PRRT1: variants seen among roughly 807,000 people sequenced by gnomAD.
PRRT1 encodes the protein proline-rich transmembrane protein 1.
A neutral mutation model predicts 22.6 loss-of-function variants in PRRT1; 8 were observed. The observed-to-expected ratio is 0.35, with a 90% confidence interval of 0.21 to 0.64. PRRT1 has a LOEUF of 0.64. Among genes scored for constraint, PRRT1 ranks in the 30% least tolerant of loss-of-function variants. PRRT1 has a pLI of 0.69. For synonymous variants in PRRT1, 176 were observed against 203.6 expected (o/e 0.86, Z 1.15); for missense variants, 315 against 444.5 (o/e 0.71, Z 2.62).
rs1376766305 is a variant in PRRT1 at position 32,150,529 on chromosome 6, G to A, written c.397C>T (p.Pro133Ser). The change falls in exon 2 of 4, where the codon CCC (proline) becomes TCC (serine). Residue 133 changes from proline to serine, a missense_variant. Physicochemically the swap from Pro to Ser is moderately conservative, Grantham distance 74. This residue lies in a region of PRRT1 where 263 missense variants were observed against 328.5 expected (regional missense o/e 0.80). Coordinates refer to ENST00000211413, the MANE Select transcript of PRRT1 (RefSeq NM_030651.4). The surrounding 1 kb of genome is among the most constrained non-coding windows in gnomAD (Gnocchi z 7.2). Reference protein sequence around the residue: ...PPPPPAAAAPPPPAPAQTAQA... With the variant: ...PPPPPAAAAPSPPAPAQTAQA... Reference sequence around the variant, plus strand: ...GCAGTCTGGGCTGGCGCCGGCGGGGGCGGGGCGGCGGCAGCGGGCGGCGGC... The same window carrying A: ...GCAGTCTGGGCTGGCGCCGGCGGGGACGGGGCGGCGGCAGCGGGCGGCGGC... 1.5e-6 allele frequency: 2 copies of A among 1,371,966 alleles called. No homozygotes were observed. Among genetic ancestry groups the A allele is most frequent in the East Asian group, 3.0e-5 (1 of 33,132 alleles). 85.0% of individuals were successfully genotyped at this position (1,371,966 alleles called of 1,614,324 possible).
Position 32,150,706 on chromosome 6 carries a change from C to G in PRRT1, c.220G>C (p.Gly74Arg), listed in dbSNP as rs1213656437. 7.5e-6 allele frequency: 11 copies of G among 1,457,444 alleles called. No homozygotes were observed. In the South Asian group the frequency reaches 1.3e-4, roughly 17 times the overall value. 90.3% of individuals were successfully genotyped at this position (1,457,444 alleles called of 1,614,324 possible). A position where few individuals can be genotyped will look rare whatever the true frequency, so the allele number is the denominator to read the frequency against. The change falls in exon 2 of 4, where the codon GGT (glycine) becomes CGT (arginine). Residue 74 changes from glycine (G) to arginine (R), a missense_variant. Gly to Arg is a moderately radical substitution (Grantham distance 125). Transcript: ENST00000211413. The surrounding 1 kb of genome is among the most constrained non-coding windows in gnomAD (Gnocchi z 7.2). ...GGCAGCGTGGCAGAGGAGGAGGGAC[C>G]GCGCTGAGCGGTGGCCGCGGAAGAG... ...LASSAATAQR[G>R]PSSSATLPRP...
intron 1 of PRRT1, chr6:32,151,343 C>CT (rs977364295): frequency 2.4e-6 from 1 of 418,738 alleles, no homozygotes; most frequent in African/African-American, 2.0e-5. Flanking sequence ...GTGTTCCACT[C>CT]TGCTGTTCCT....
rs772081305 is a variant in PRRT1, at chr6:32,150,947, A to T, written c.20-41T>A. The T allele has an allele frequency of 1.3e-6, 2 of 1,499,538 alleles. No homozygotes were observed. Among genetic ancestry groups the T allele is most frequent in the South Asian group, 2.4e-5 (2 of 84,076 alleles). The allele number at this position is 1,499,538 out of a possible 1,614,324, so 92.9% of individuals were successfully genotyped here. A position where few individuals can be genotyped will look rare whatever the true frequency, so the allele number is the denominator to read the frequency against. ...GGAGGAGAGTATAAGAGGAAAGATG[A>T]CACAGTGATGAGTTGAGGAGGGGGT... On this transcript the variant is annotated intron_variant, in intron 1 of 3. Coordinates refer to ENST00000211413, the MANE Select transcript of PRRT1 (RefSeq NM_030651.4). This position sits in a 1 kb window ranked among gnomAD's most constrained non-coding sequence, Gnocchi z 7.2.
intron 1 of PRRT1, chr6:32,151,309 G>T: frequency 2.2e-6 from 1 of 455,070 alleles, no homozygotes; most frequent in Non-Finnish European, 4.0e-6. Flanking sequence ...TTCAACAGTT[G>T]TATAAACACA....
upstream of PRRT1, chr6:32,151,986 A>AGGGGGGGGGGGGGGGGGGGG: frequency 5.3e-5 from 4 of 75,954 alleles, no homozygotes; most frequent in Non-Finnish European, 7.6e-5. Flanking sequence ...GCGGAGGGAG[A>AGGGGGGGGGGGGGGGGGGGG]GCGGGGAGGG....
chr6:32,150,117 C>G lies in PRRT1; in HGVS notation c.558+251G>C, dbSNP rs188380258. Reference sequence around the variant, plus strand: ...CCCCCGCCAGGCGGTTTCCTACTTTCAGACCTCCTCTGAACCTCTAGGCTC... The same window carrying G: ...CCCCCGCCAGGCGGTTTCCTACTTTGAGACCTCCTCTGAACCTCTAGGCTC... On this transcript the variant is annotated intron_variant, in intron 2 of 3. Coordinates refer to ENST00000211413, the MANE Select transcript of PRRT1 (RefSeq NM_030651.4). This position sits in a 1 kb window ranked among gnomAD's most constrained non-coding sequence, Gnocchi z 7.2. Among the ~76,000 whole-genome samples, 1 of 152,106 alleles carries G rather than the reference C, an allele frequency of 6.6e-6. No individual in the cohort carries two copies. Among genetic ancestry groups the G allele is most frequent in the East Asian group, 1.9e-4 (1 of 5,136 alleles).
At chr6:32,152,087 C>T (rs1783352702), upstream of PRRT1, 1 of 704,646 alleles carries the variant, frequency 1.4e-6, no homozygotes, top group Non-Finnish European at 2.6e-6. Context: ...CCTCTCTCCT[C>T]CTCTTACCCC....
intron 1 of PRRT1, chr6:32,151,262 T>A (rs1483740451): frequency 9.3e-6 from 5 of 539,376 alleles, no homozygotes; most frequent in Non-Finnish European, 1.7e-5. Context: ...TGTGTGCGTA[T>A]GCGTAGACAT....
chr6:32,149,241 T>C lies in PRRT1; in HGVS notation c.902A>G (p.Glu301Gly), dbSNP rs1448261458. Residue 301 changes from glutamate to glycine, a missense_variant, in exon 4 of 4, where the codon GAG (glutamate) becomes GGG (glycine). Physicochemically the swap from Glu to Gly is moderately conservative, Grantham distance 98. Coordinates refer to ENST00000211413, the MANE Select transcript of PRRT1 (RefSeq NM_030651.4). The surrounding 1 kb of genome is among the most constrained non-coding windows in gnomAD (Gnocchi z 8.7). ...VVIIIAAQHH[E>G]NYWDP Reference sequence around the variant, plus strand: ...GCGTTTTTAGGGATCCCAGTAGTTCTCGTGGTGCTGCGCGGCGATGATGAT... The same window carrying C: ...GCGTTTTTAGGGATCCCAGTAGTTCCCGTGGTGCTGCGCGGCGATGATGAT... 1 of 1,611,764 alleles carries C rather than the reference T, an allele frequency of 6.2e-7. No homozygotes were observed. The highest frequency in any genetic ancestry group is 8.5e-7 in the Non-Finnish European group (1 of 1,179,816).
chr6:32,149,912 T>C lies in PRRT1; in HGVS notation c.559-190A>G, dbSNP rs1045449087. ...CCCTCTCCTCCCTTCCTTGCTTCAT[T>C]AACCACCATATTCTTGGGCTTTCTA... On this transcript the variant is annotated intron_variant, in intron 2 of 3. Transcript: ENST00000211413. The surrounding 1 kb of genome is among the most constrained non-coding windows in gnomAD (Gnocchi z 8.7). 3.5e-6 allele frequency: 2 copies of C among 578,088 alleles called. No homozygotes were observed. Among genetic ancestry groups the C allele is most frequent in the Non-Finnish European group, 6.1e-6 (2 of 328,184 alleles). 35.8% of individuals were successfully genotyped at this position (578,088 alleles called of 1,614,324 possible).
rs763594350 is a variant in PRRT1, at chr6:32,151,896, G to A, written c.-69C>T. The A allele has an allele frequency of 1.9e-5, 26 of 1,377,410 alleles. No homozygotes were observed. In the Admixed American group the frequency reaches 2.2e-4, roughly 12 times the overall value. The allele number at this position is 1,377,410 out of a possible 1,614,324, so 85.3% of individuals were successfully genotyped here. On this transcript the variant is annotated 5_prime_UTR_variant, in exon 1 of 4. Transcript: ENST00000211413. ...GGTCCTCGGCCGGTGCTGGAGTCTGGGTGCTGGATGGCGCAGCCGGCAGCA... is the reference window on the plus strand; with the variant it reads ...GGTCCTCGGCCGGTGCTGGAGTCTGAGTGCTGGATGGCGCAGCCGGCAGCA...
At position 32,150,840 on chromosome 6, in the gene PRRT1, G is replaced by A. The variant is rs764804051; in HGVS notation, c.86C>T (p.Pro29Leu). The A allele has an allele frequency of 6.3e-7, 1 of 1,579,950 alleles. No individual in the cohort carries two copies. The highest frequency in any genetic ancestry group is 1.3e-5 in the African/African-American group (1 of 74,904). The change falls in exon 2 of 4, where the codon CCC (proline) becomes CTC (leucine). Residue 29 changes from proline to leucine, a missense_variant. Pro to Leu is a moderately conservative substitution (Grantham distance 98). Transcript: ENST00000211413. The surrounding 1 kb of genome is among the most constrained non-coding windows in gnomAD (Gnocchi z 7.2). ...GGCTGCCTGTGGCGGTGGGGCTGGG[G>A]GTTCGGCTGGAGGCTGAGGGGCATT... The part of the protein sequence containing the change: ...PYNAPQPPAE[P>L]PAPPPQAAPS...
At position 32,149,147 on chromosome 6, in the gene PRRT1, T is replaced by C. The variant is rs751528288; in HGVS notation, c.*75A>G. On this transcript the variant is annotated 3_prime_UTR_variant, in exon 4 of 4. Coordinates refer to ENST00000211413, the MANE Select transcript of PRRT1 (RefSeq NM_030651.4). The surrounding 1 kb of genome is among the most constrained non-coding windows in gnomAD (Gnocchi z 8.7). Reference sequence around the variant, plus strand: ...CAGAAACGGGTGTGCAGGGCGCCCATTGGGTCCGCGGTATGACTGCAGAAA... The same window carrying C: ...CAGAAACGGGTGTGCAGGGCGCCCACTGGGTCCGCGGTATGACTGCAGAAA... The C allele has an allele frequency of 3.3e-5, 49 of 1,504,620 alleles. 1 individual carries two copies. Among genetic ancestry groups the C allele is most frequent in the Admixed American group, 3.8e-5 (2 of 53,216 alleles). The allele number at this position is 1,504,620 out of a possible 1,614,324, so 93.2% of individuals were successfully genotyped here. A position where few individuals can be genotyped will look rare whatever the true frequency, so the allele number is the denominator to read the frequency against.
Position 32,149,484 on chromosome 6 carries a change from C to T in PRRT1, c.744+53G>A. The T allele has an allele frequency of 6.2e-7, 1 of 1,606,790 alleles. No individual in the cohort carries two copies. Among genetic ancestry groups the T allele is most frequent in the South Asian group, 1.1e-5 (1 of 90,522 alleles). On this transcript the variant is annotated intron_variant, in intron 3 of 3. Coordinates refer to ENST00000211413, the MANE Select transcript of PRRT1 (RefSeq NM_030651.4). This position sits in a 1 kb window ranked among gnomAD's most constrained non-coding sequence, Gnocchi z 8.7. ...CCTTTCTCTAAGATGGTCCCCAGAA[C>T]GCCCAGAACTCCCTGTCCCCGCCCC...
Position 32,148,941 on chromosome 6 carries a change from C to G in PRRT1, c.*281G>C. The G allele has an allele frequency of 1.5e-6, 1 of 681,446 alleles. No homozygotes were observed. Among genetic ancestry groups the G allele is most frequent in the Non-Finnish European group, 2.7e-6 (1 of 371,606 alleles). The allele number at this position is 681,446 out of a possible 1,614,324, so 42.2% of individuals were successfully genotyped here. ...AGGTTGCTCGGTTGGGGGCGCTACA[C>G]TTTGAGGGTGAGGGGGCCTGGAGCG... On this transcript the variant is annotated 3_prime_UTR_variant, in exon 4 of 4. Transcript: ENST00000211413. This position sits in a 1 kb window ranked among gnomAD's most constrained non-coding sequence, Gnocchi z 5.7.
chr6:32,149,133 G>C lies in PRRT1; in HGVS notation c.*89C>G. 7.4e-7 allele frequency: 1 copy of C among 1,360,176 alleles called. No individual in the cohort carries two copies. The highest frequency in any genetic ancestry group is 1.0e-6 in the Non-Finnish European group (1 of 965,144). The allele number at this position is 1,360,176 out of a possible 1,614,324, so 84.3% of individuals were successfully genotyped here. A position where few individuals can be genotyped will look rare whatever the true frequency, so the allele number is the denominator to read the frequency against. On this transcript the variant is annotated 3_prime_UTR_variant, in exon 4 of 4. Transcript: ENST00000211413. The surrounding 1 kb of genome is among the most constrained non-coding windows in gnomAD (Gnocchi z 8.7). The stretch of plus-strand genomic sequence containing the variant: ...AAGTCTGACGGCCCCAGAAACGGGT[G>C]TGCAGGGCGCCCATTGGGTCCGCGG...
At chr6:32,151,700 G>A (rs1279336546) in intron 1 of PRRT1, 109 bp downstream of exon 1, 2 of 598,730 alleles carry the variant, frequency 3.3e-6, no homozygotes, top group African/African-American at 2.1e-5. Flanking sequence ...GAGAGAAGGG[G>A]AATGAAATAG....
rs1486807336 is a variant in PRRT1, at chr6:32,148,706, GGC to G, written c.*514_*515del. The G allele has an allele frequency of 4.6e-6, 2 of 438,938 alleles. No individual in the cohort carries two copies. Among genetic ancestry groups the G allele is most frequent in the African/African-American group, 4.1e-5 (2 of 49,362 alleles). The allele number at this position is 438,938 out of a possible 1,614,324, so 27.2% of individuals were successfully genotyped here. On this transcript the variant is annotated 3_prime_UTR_variant, in exon 4 of 4. Coordinates refer to ENST00000211413, the MANE Select transcript of PRRT1 (RefSeq NM_030651.4). The surrounding 1 kb of genome is among the most constrained non-coding windows in gnomAD (Gnocchi z 5.7). ...TACTTGCAAAAAACAGGAGTGTGGG[GGC>G]CTTACTACCCCAGGGCTCGGTCCTT...
At chr6:32,152,162 C>T, upstream of PRRT1, 2 of 662,812 alleles carry the variant, frequency 3.0e-6, no homozygotes, top group South Asian at 1.5e-5. Context: ...CTAGACCAGG[C>T]GAGGCGGGTG....
Sources: allele counts gnomAD v4.1 joint callset (sites outside exome capture counted in the v4.1 genomes callset), GRCh38; gene constraint gnomAD v4.1.1; regional missense constraint gnomAD v4.1.1; non-coding constraint Gnocchi (gnomAD v3.1); transcripts MANE v1.5; gene names NCBI Gene and HGNC (gene_info 2026-07-23, HGNC 2026-07-21).